ACIN1: variants seen among roughly 807,000 people sequenced by gnomAD.
ACIN1 encodes the protein apoptotic chromatin condensation inducer 1, also known as apoptotic chromatin condensation inducer in the nucleus.
ACIN1 carries 16 observed loss-of-function variants against 146.6 expected under a neutral mutation model. That is an observed-to-expected ratio of 0.11 (90% CI 0.07 to 0.17). The LOEUF (loss-of-function observed/expected upper bound fraction) is 0.17. Among genes scored for constraint, ACIN1 ranks in the 10% least tolerant of loss-of-function variants. The pLI is 1.00. For synonymous variants in ACIN1, 569 were observed against 582.7 expected, an observed-to-expected ratio of 0.98 and a Z score of 0.34; for missense variants, 1,357 against 1,609.3, an observed-to-expected ratio of 0.84 and a Z score of 2.68.
In ACIN1 at chr14:23,064,092, G is replaced by A. The variant is rs1566734240; in HGVS notation, c.2595+13C>T. The A allele has an allele frequency of 2.5e-6, 4 of 1,613,888 alleles. No homozygotes were observed. The Admixed American group carries it at 5.0e-5, about 20-fold the overall frequency. On this transcript the variant is annotated intron_variant, in intron 12 of 18. Coordinates refer to ENST00000605057, the MANE Select transcript of ACIN1 (RefSeq NM_001386863.1). The stretch of plus-strand genomic sequence containing the variant: ...CCCACCTTTCCCCTGACACTGGGGT[G>A]CAGAAGCCTTACCTGAGTGACTGTC...
At chr14:23,071,706 G>A (rs2047661008) in intron 8 of ACIN1, 2 of 754,228 alleles carry the variant, frequency 2.7e-6, no homozygotes, top group Admixed American at 3.2e-5. Flanking sequence ...CAGAGGCCTG[G>A]CCTTCTTTTC....
At chr14:23,088,885 T>G (rs766062076) in intron 4 of ACIN1, among the ~76,000 whole-genome samples, 3 of 152,212 alleles carry the variant, frequency 2.0e-5, no homozygotes, top group Admixed American at 6.5e-5. Flanking sequence ...GAGTGTCATG[T>G]GAATACTCAA....
intron 4 of ACIN1, among the ~76,000 whole-genome samples, chr14:23,085,812 A>G (rs1227221116): frequency 6.6e-6 from 1 of 152,228 alleles, no homozygotes; most frequent in Non-Finnish European, 1.5e-5. Context: ...GTAGACAGTG[A>G]GCGCTTTAGC....
In ACIN1 at chr14:23,063,664, C is replaced by G. The variant is rs1450310603; in HGVS notation, c.2596-87G>C. 9 of 1,482,292 alleles carry G rather than the reference C, an allele frequency of 6.1e-6. No individual in the cohort carries two copies. The East Asian group carries it at 2.0e-4, about 34-fold the overall frequency. The allele number at this position is 1,482,292 out of a possible 1,614,324, so 91.8% of individuals were successfully genotyped here. A position where few individuals can be genotyped will look rare whatever the true frequency, so the allele number is the denominator to read the frequency against. ...GCCTCTGGTTCCCCGGTAAGAGTAG[C>G]AGTCAATCTAGCATGTTCCTTCCGC... On this transcript the variant is annotated intron_variant, in intron 12 of 18. Transcript: ENST00000605057.
rs929359276 is a variant in ACIN1 at position 23,078,341 on chromosome 14, T to C, written c.2008-75A>G. On this transcript the variant is annotated intron_variant, in intron 7 of 18. Coordinates refer to ENST00000605057, the MANE Select transcript of ACIN1 (RefSeq NM_001386863.1). The stretch of plus-strand genomic sequence containing the variant: ...GGTTCCTTTTCTTCTACCTGGAGCC[T>C]GAAAAAGGCAGGGCAGGACATACAC... 3.0e-5 allele frequency: 41 copies of C among 1,355,708 alleles called. No individual in the cohort carries two copies. The African/African-American group carries it at 4.9e-4, about 16-fold the overall frequency. The allele number at this position is 1,355,708 out of a possible 1,614,324, so 84.0% of individuals were successfully genotyped here.
At chr14:23,062,374 A>C (rs747579214) in intron 15 of ACIN1, 42 bp downstream of exon 15, 3 of 1,609,614 alleles carry the variant, frequency 1.9e-6, no homozygotes, top group South Asian at 2.2e-5. Context: ...TCACAAAAGG[A>C]AATATATGCC....
chr14:23,063,489 T>G lies in ACIN1; in HGVS notation c.2684A>C (p.Gln895Pro). ...EPEAEPPVPP[Q>P]VSVEVALPPP... ...GGGCAAGGCCACCTCTACTGACACC[T>G]GGGGAGGTACAGGAGGTTCTGCTTC... The change falls in exon 13 of 19, where the codon CAG becomes CCG. Residue 895 changes from glutamine (Q) to proline (P), a missense_variant. Coordinates refer to ENST00000605057, the MANE Select transcript of ACIN1 (RefSeq NM_001386863.1). The G allele has an allele frequency of 6.2e-7, 1 of 1,614,188 alleles. No individual in the cohort carries two copies. Among genetic ancestry groups the G allele is most frequent in the Non-Finnish European group, 8.5e-7 (1 of 1,180,020 alleles).
chr14:23,082,132 C>G (rs1296662896), intron 4 of ACIN1, among the ~76,000 whole-genome samples: 1 of 152,164 alleles, frequency 6.6e-6, no homozygotes, highest in African/African-American at 2.4e-5. Context: ...GGGCTTCAAA[C>G]TGTCTAGCAG....
At position 23,068,997 on chromosome 14, in the gene ACIN1, A is replaced by G. The variant is rs1441006555; in HGVS notation, c.2265+479T>C. The stretch of plus-strand genomic sequence containing the variant: ...GGATCACAAGTGCTGGCTTCTAAGT[A>G]GCTACATCTCTGCAGTCAGACCACT... On this transcript the variant is annotated intron_variant, in intron 9 of 18. Coordinates refer to ENST00000605057, the MANE Select transcript of ACIN1 (RefSeq NM_001386863.1). The surrounding 1 kb of genome is among the most constrained non-coding windows in gnomAD (Gnocchi z 4.3). The G allele has an allele frequency of 6.1e-6, 6 of 985,772 alleles. No individual in the cohort carries two copies. The highest frequency in any genetic ancestry group is 7.2e-6 in the Non-Finnish European group (6 of 830,316). The allele number at this position is 985,772 out of a possible 1,614,324, so 61.1% of individuals were successfully genotyped here.
intron 7 of ACIN1, 62 bp downstream of exon 7, chr14:23,078,758 A>G (rs977982108): frequency 1.2e-5 from 19 of 1,530,870 alleles, no homozygotes; most frequent in Non-Finnish European, 1.5e-5. Context: ...TATAGCAAAG[A>G]CAAGAGGGAA....
chr14:23,075,324 T>G (rs72684317), intron 8 of ACIN1, among the ~76,000 whole-genome samples: 1 of 66,086 alleles, frequency 1.5e-5, no homozygotes, highest in Non-Finnish European at 2.6e-5. Context: ...TTTCTTCCCC[T>G]TTTTTTTTTT....
At chr14:23,060,677 A>C (rs1021509104) in intron 18 of ACIN1, among the ~76,000 whole-genome samples, 10 of 151,984 alleles carry the variant, frequency 6.6e-5, no homozygotes, top group Admixed American at 2.0e-4. Flanking sequence ...GCACCCGGCT[A>C]ATTTTTGTTA....
Position 23,062,236 on chromosome 14 carries a change from G to C in ACIN1, c.3031C>G (p.Leu1011Val). Reference sequence around the variant, plus strand: ...GACTGGGGCCATTTGACCCCGTGCAGAGCTGTGCGGGTGGCAACAGCTTCC... The same window carrying C: ...GACTGGGGCCATTTGACCCCGTGCACAGCTGTGCGGGTGGCAACAGCTTCC... ...VEEAVATRTA[L>V]HGVKWPQSNP... Residue 1011 changes from leucine (L) to valine (V), a missense_variant, in exon 16 of 19, where the codon CTG becomes GTG. By Grantham distance (32) the Leu-to-Val change is conservative. Around this residue, in one of 4 missense-constraint regions of ACIN1, gnomAD observed 509 missense variants for 719.6 expected, o/e 0.71. Coordinates refer to ENST00000605057, the MANE Select transcript of ACIN1 (RefSeq NM_001386863.1). 1 of 1,614,118 alleles carries C rather than the reference G, an allele frequency of 6.2e-7. No homozygotes were observed.
At chr14:23,094,423 C>T (rs1594794417) in intron 1 of ACIN1, 2 of 974,390 alleles carry the variant, frequency 2.1e-6, no homozygotes, top group East Asian at 2.3e-4. Context: ...CAAATTGCCA[C>T]TAGATGCCAC....
chr14:23,094,826 A>G, intron 1 of ACIN1, 149 bp downstream of exon 1: 2 of 1,223,580 alleles, frequency 1.6e-6, no homozygotes, highest in Non-Finnish European at 2.2e-6. Context: ...CGCGAACCTC[A>G]TCAACCACCG....
In ACIN1 at chr14:23,084,539, G is replaced by A. The variant is rs780824736; in HGVS notation, c.437-2703C>T. On this transcript the variant is annotated intron_variant, in intron 4 of 18. Transcript: ENST00000605057. ...GCAGAAGAATCGCTTGAACCTGGGA[G>A]GCAGAGGTTGTAGTGAGCCGAGATG... Among the ~76,000 whole-genome samples the A allele has an allele frequency of 4.6e-5, 7 of 151,898 alleles. No homozygotes were observed. In the South Asian group the frequency reaches 8.3e-4, roughly 18 times the overall value.
At position 23,067,511 on chromosome 14, in the gene ACIN1, G is replaced by GGGGGGTGGC; in HGVS notation, c.2266-1504_2266-1503insGCCACCCCC. ...CCAGGGGCGCAGGGGGGGCGGGAGG[G>GGGGGGTGGC]AAACGTGTGGGGGGACGCTGCCCAG... On this transcript the variant is annotated intron_variant, in intron 9 of 18. Coordinates refer to ENST00000605057, the MANE Select transcript of ACIN1 (RefSeq NM_001386863.1). This position sits in a 1 kb window ranked among gnomAD's most constrained non-coding sequence, Gnocchi z 4.6. The GGGGGGTGGC allele has an allele frequency of 4.5e-6, 1 of 221,732 alleles. No homozygotes were observed. The highest frequency in any genetic ancestry group is 7.3e-6 in the Non-Finnish European group (1 of 137,264). The allele number at this position is 221,732 out of a possible 1,614,324, so 13.7% of individuals were successfully genotyped here.
intron 8 of ACIN1, among the ~76,000 whole-genome samples, chr14:23,077,484 G>A (rs1471542319): frequency 6.6e-6 from 1 of 152,272 alleles, no homozygotes; most frequent in East Asian, 1.9e-4. Flanking sequence ...TCAGAAGAAT[G>A]AATGACATAC....
chr14:23,066,892 A>G (rs984200078), intron 9 of ACIN1, among the ~76,000 whole-genome samples: 3 of 152,154 alleles, frequency 2.0e-5, no homozygotes, highest in African/African-American at 7.2e-5. Context: ...GGCGGGGGAG[A>G]AAAGTGAGAG....
Sources: gnomAD v4.1 joint callset for allele counts (sites outside exome capture counted in the v4.1 genomes callset) on GRCh38, gnomAD v4.1.1 for gene constraint, gnomAD v4.1.1 regional missense constraint, Gnocchi (gnomAD v3.1) non-coding constraint, MANE v1.5 for transcripts, NCBI Gene and HGNC (gene_info 2026-07-23, HGNC 2026-07-21) for gene names.